Variants in TNS1 observed in about 807,000 individuals in gnomAD.
TNS1 encodes tensin 1, also known as tensin-1.
In TNS1, 62 loss-of-function variants were observed where a neutral mutation model predicts 168.6. That is an observed-to-expected ratio of 0.37 (90% confidence interval 0.30 to 0.45). The LOEUF is 0.45. Among genes scored for constraint, TNS1 ranks in the 20% least tolerant of loss-of-function variants. The pLI is 1.00. For missense variants in TNS1, 2,240 were observed against 2,339.4 expected (o/e 0.96, Z 0.88); for synonymous variants, 934 against 933.2 (o/e 1.00, Z -0.02).
intron 2 of TNS1, among the ~76,000 whole-genome samples, chr2:217,983,851 G>T (rs1307706799): frequency 6.6e-6 from 1 of 152,164 alleles, no homozygotes; most frequent in Non-Finnish European, 1.5e-5. Flanking sequence ...TTAATTTAAT[G>T]AATCAACTTG....
rs1353010624 is a variant in TNS1, at chr2:217,852,083, T to C, written c.1430-2996A>G. On this transcript the variant is annotated intron_variant, in intron 18 of 32. Coordinates refer to ENST00000682258, the MANE Select transcript of TNS1 (RefSeq NM_001387777.1). ...TCACTTGAACCTGGGAGGCAGAGGT[T>C]GCAGTGAGCCGAGATCGCACCATTG... 4.6e-5 allele frequency among the ~76,000 whole-genome samples: 7 copies of C among 152,194 alleles called. No homozygotes were observed. In the East Asian group the frequency reaches 1.4e-3, roughly 29 times the overall value.
chr2:217,891,577 GCC>G (rs1418112808), intron 11 of TNS1, among the ~76,000 whole-genome samples: 1 of 152,134 alleles, frequency 6.6e-6, no homozygotes, highest in Admixed American at 6.5e-5. Context: ...CTCCTGGCAG[GCC>G]CTCCACAGAA....
chr2:217,966,255 G>A (rs1957626009), intron 3 of TNS1, among the ~76,000 whole-genome samples: 1 of 151,268 alleles, frequency 6.6e-6, no homozygotes, highest in Non-Finnish European at 1.5e-5. Context: ...TCCCTGCTAT[G>A]GGGAGCAGGC....
rs1259777988 is a variant in TNS1, at chr2:217,836,025, C to T, written c.3194G>A (p.Arg1065Gln). ...ALTIALNPGGRPKEPHLHSYK... is the reference protein window; with the variant it reads ...ALTIALNPGGQPKEPHLHSYK... ...AGCTTAAGGACTCACCTCTTTGGGCCGCCCTCCAGGATTGAGAGCGATGGT... is the reference window on the plus strand; with the variant it reads ...AGCTTAAGGACTCACCTCTTTGGGCTGCCCTCCAGGATTGAGAGCGATGGT... The change falls in exon 20 of 33, where the codon CGG becomes CAG. Residue 1065 changes from arginine to glutamine, a missense_variant. Physicochemically the swap from Arg to Gln is conservative, Grantham distance 43. This residue lies in a region of TNS1 where 2,131 missense variants were observed against 2,171.2 expected (regional missense o/e 0.98). Coordinates refer to ENST00000682258, the MANE Select transcript of TNS1 (RefSeq NM_001387777.1). 1.1e-5 allele frequency: 17 copies of T among 1,612,932 alleles called. No homozygotes were observed. Among genetic ancestry groups the T allele is most frequent in the Middle Eastern group, 1.7e-4 (1 of 6,056 alleles).
upstream of TNS1, among the ~76,000 whole-genome samples, chr2:218,003,304 C>T (rs553918429): frequency 2.0e-5 from 3 of 152,142 alleles, no homozygotes; most frequent in Admixed American, 6.5e-5. Flanking sequence ...TGCAGACCCC[C>T]GCCCCTGGCA....
rs561083357 is a variant in TNS1 at position 217,902,618 on chromosome 2, C to CA, written c.322-2107dup. On this transcript the variant is annotated intron_variant, in intron 6 of 32. Coordinates refer to ENST00000682258, the MANE Select transcript of TNS1 (RefSeq NM_001387777.1). ...TCCACATTCCTCAGCCTCCCCACCC[C>CA]AAAAAAAGCCAGTGAAGATAAATAA... is the stretch of plus-strand genomic sequence containing the variant. Among the ~76,000 whole-genome samples, 11 of 152,104 alleles carry CA rather than the reference C, an allele frequency of 7.2e-5. No individual in the cohort carries two copies. In the East Asian group the frequency reaches 1.7e-3, roughly 24 times the overall value.
rs1472799447 is a variant in TNS1, at chr2:217,821,998, C to G, written c.3374-60G>C. The G allele has an allele frequency of 3.4e-5, 50 of 1,453,878 alleles. 1 individual carries two copies. Among genetic ancestry groups the G allele is most frequent in the Middle Eastern group, 1.7e-4 (1 of 5,736 alleles). The allele number at this position is 1,453,878 out of a possible 1,614,324, so 90.1% of individuals were successfully genotyped here. On this transcript the variant is annotated intron_variant, in intron 22 of 32. Coordinates refer to ENST00000682258, the MANE Select transcript of TNS1 (RefSeq NM_001387777.1). ...AGATGCACAGGGGTGCAGTGCAGGT[C>G]CCCCCCAACCTCCCCTGGAACACAG...
intron 3 of TNS1, among the ~76,000 whole-genome samples, chr2:217,922,001 G>A (rs766964734): frequency 3.1e-4 from 47 of 152,184 alleles, no homozygotes; most frequent in Non-Finnish European, 6.5e-4. Flanking sequence ...ATCACTCGTG[G>A]CCCCAATTTC....
chr2:217,899,239 G>T (rs1220853044), intron 7 of TNS1, among the ~76,000 whole-genome samples: 6 of 152,194 alleles, frequency 3.9e-5, no homozygotes, highest in Admixed American at 3.9e-4. Context: ...ACAGGGGCCT[G>T]AGTGGGACTG....
chr2:217,906,694 G>C (rs913447919), intron 5 of TNS1, among the ~76,000 whole-genome samples: 14 of 152,132 alleles, frequency 9.2e-5, no homozygotes, highest in Admixed American at 9.2e-4. Flanking sequence ...GCAGAGTCAA[G>C]ATTTGAACCG....
intron 27 of TNS1, among the ~76,000 whole-genome samples, chr2:217,812,800 T>C (rs1941202050): frequency 6.6e-6 from 1 of 152,168 alleles, no homozygotes; most frequent in Admixed American, 6.5e-5. Context: ...CTGTTGGTTC[T>C]CAGGTAAATG....
At chr2:217,835,383 C>T (rs1433631462) in intron 20 of TNS1, among the ~76,000 whole-genome samples, 2 of 152,228 alleles carry the variant, frequency 1.3e-5, no homozygotes, top group African/African-American at 4.8e-5. Flanking sequence ...ACTCATTAGC[C>T]TGGCTTTTAT....
chr2:217,894,187 G>T (rs1195842377), intron 9 of TNS1, among the ~76,000 whole-genome samples: 1 of 152,176 alleles, frequency 6.6e-6, no homozygotes. Context: ...AGAGAACTCT[G>T]CAAGGACCCA....
At chr2:217,821,571 G>A (rs1942852496) in intron 23 of TNS1, among the ~76,000 whole-genome samples, 169 bp downstream of exon 23, 1 of 152,180 alleles carries the variant, frequency 6.6e-6, no homozygotes, top group African/African-American at 2.4e-5. Context: ...CAGCGCGCAG[G>A]ACATGTGCCC....
Position 217,891,036 on chromosome 2 carries a change from C to T in TNS1, c.792G>A (p.Gln264=), listed in dbSNP as rs1204384038. 2 of 1,614,200 alleles carry T rather than the reference C, an allele frequency of 1.2e-6. No homozygotes were observed. The highest frequency in any genetic ancestry group is 1.1e-5 in the South Asian group (1 of 91,082). ...HYSNISASAD[Q]ALDRFAMKRF... ...GCTTCATTGCAAACCGGTCCAGAGC[C>T]TGGTCCGCACTGCAGGGAGAGACAG... is the stretch of plus-strand genomic sequence containing the variant. The change falls in exon 12 of 33, where the codon CAG becomes CAA. Residue 264 remains glutamine (Q), a synonymous_variant. Coordinates refer to ENST00000682258, the MANE Select transcript of TNS1 (RefSeq NM_001387777.1).
chr2:218,031,345 GTA>G (rs1238663507), intron 1 of TNS1, among the ~76,000 whole-genome samples: 2 of 147,366 alleles, frequency 1.4e-5, no homozygotes, highest in African/African-American at 5.0e-5. Flanking sequence ...GTGTGTGAGT[GTA>G]TGAGTGTGTG....
chr2:217,960,767 A>G (rs16858505), intron 3 of TNS1, among the ~76,000 whole-genome samples: 40,557 of 151,804 alleles, frequency 0.27, 6,070 homozygotes, highest in African/African-American at 0.42. Flanking sequence ...ACCAGAGGAC[A>G]ACCCCTCCTT....
At chr2:217,894,055 G>A (rs574281977) in intron 9 of TNS1, among the ~76,000 whole-genome samples, 139 of 152,256 alleles carry the variant, frequency 9.1e-4, no homozygotes, top group African/African-American at 3.2e-3. Flanking sequence ...CTAGGCCCTG[G>A]TCACACAAAC....
rs1958903402 is a variant in TNS1 at position 218,032,012 on chromosome 2, C to T, written c.156+1808G>A. On this transcript the variant is annotated intron_variant, in intron 1 of 1. Transcript: ENST00000649572. The surrounding 1 kb of genome is among the most constrained non-coding windows in gnomAD (Gnocchi z 4.0). ...GGCACGACTGGCACCCGGAGATGCC[C>T]GCCAGGCCCCTTGGCACCCAGAAGG... Among the ~76,000 whole-genome samples the T allele has an allele frequency of 6.6e-6, 1 of 152,216 alleles. No individual in the cohort carries two copies. The highest frequency in any genetic ancestry group is 1.5e-5 in the Non-Finnish European group (1 of 68,034).
Sources: allele counts gnomAD v4.1 joint callset (sites outside exome capture counted in the v4.1 genomes callset), GRCh38; gene constraint gnomAD v4.1.1; regional missense constraint gnomAD v4.1.1; non-coding constraint Gnocchi (gnomAD v3.1); transcripts MANE v1.5; gene names NCBI Gene and HGNC (gene_info 2026-07-23, HGNC 2026-07-21).